TNR: variants seen among roughly 807,000 people sequenced by gnomAD.
TNR encodes tenascin R.
A neutral mutation model predicts 150.4 loss-of-function variants in TNR; 45 were observed. The ratio of observed to expected loss-of-function variants is 0.30; its 90% CI spans 0.24 to 0.38. TNR has a LOEUF of 0.38. Among genes scored for constraint, TNR ranks in the 10% least tolerant of loss-of-function variants. The probability of loss-of-function intolerance (pLI) is 1.00; values close to 1 mark genes in which losing one functional copy is unlikely to be tolerated. For missense variants in TNR, 1,544 were observed against 1,759.1 expected (o/e 0.88, Z 2.19); for synonymous variants, 687 against 678.4 (o/e 1.01, Z -0.20).
intron 14 of TNR, among the ~76,000 whole-genome samples, chr1:175,361,673 G>C (rs910749453): frequency 6.6e-6 from 1 of 152,200 alleles, no homozygotes; most frequent in Non-Finnish European, 1.5e-5. Flanking sequence ...CCATTCTCCA[G>C]TGAAATTAAG....
At chr1:175,617,617 T>A (rs1214399031) in intron 1 of TNR, among the ~76,000 whole-genome samples, 1 of 152,150 alleles carries the variant, frequency 6.6e-6, no homozygotes. Flanking sequence ...GAACCTAAGG[T>A]CCCATTCCAG....
intron 1 of TNR, among the ~76,000 whole-genome samples, chr1:175,544,319 T>C (rs187752726): frequency 1.3e-5 from 2 of 152,260 alleles, no homozygotes; most frequent in African/African-American, 2.4e-5. Flanking sequence ...ACTCAGGCAA[T>C]AGCAGAGTAA....
Position 175,403,342 on chromosome 1 carries a change from G to A in TNR, c.774C>T (p.Gly258=). 1.2e-6 allele frequency: 2 copies of A among 1,614,058 alleles called. No individual in the cohort carries two copies. The highest frequency in any genetic ancestry group is 8.5e-7 in the Non-Finnish European group (1 of 1,179,996). Reference sequence around the variant, plus strand: ...GGCACCTCAGTTCCCTGCAGTCCTCGCCAGTGTAGGGCTCTTCACAGACAC... The same window carrying A: ...GGCACCTCAGTTCCCTGCAGTCCTCACCAGTGTAGGGCTCTTCACAGACAC... The part of the protein sequence containing the change: ...GECVCEEPYT[G]EDCRELRCPG... The change falls in exon 4 of 23, where the codon GGC becomes GGT. Residue 258 remains glycine, a synonymous_variant. Coordinates refer to ENST00000367674, the MANE Select transcript of TNR (RefSeq NM_003285.3).
rs1571277085 is a variant in TNR at position 175,318,428 on chromosome 1, A to G, written c.*4929T>C. On this transcript the variant is annotated 3_prime_UTR_variant, in exon 23 of 23. Coordinates refer to ENST00000367674, the MANE Select transcript of TNR (RefSeq NM_003285.3). ...AGAGTGGATACAATTAGAAAGAACC[A>G]GAGACATTTTTTCAAATTGGACCTG... 1 of 150,772 alleles carries G rather than the reference A, an allele frequency of 6.6e-6. No homozygotes were observed. The highest frequency in any genetic ancestry group is 6.6e-5 in the Admixed American group (1 of 15,170). 9.3% of individuals were successfully genotyped at this position (150,772 alleles called of 1,614,324 possible). A position where few individuals can be genotyped will look rare whatever the true frequency, so the allele number is the denominator to read the frequency against.
chr1:175,729,590 G>C (rs527476479), intron 1 of TNR, among the ~76,000 whole-genome samples: 2 of 152,192 alleles, frequency 1.3e-5, no homozygotes, highest in East Asian at 3.9e-4. Flanking sequence ...ACCATGCCTA[G>C]TCTCTTCCTT....
chr1:175,416,129 T>C (rs77082603), intron 2 of TNR, among the ~76,000 whole-genome samples: 99 of 151,342 alleles, frequency 6.5e-4, no homozygotes, highest in South Asian at 2.1e-3. Context: ...TATATATATA[T>C]ACACACACAC....
chr1:175,394,657 C>A (rs1253473783), intron 5 of TNR, among the ~76,000 whole-genome samples: 2 of 152,212 alleles, frequency 1.3e-5, no homozygotes, highest in Non-Finnish European at 2.9e-5. Flanking sequence ...AGGAAGCCTG[C>A]TCCCATTTTA....
At chr1:175,463,948 G>A (rs1465948971) in intron 2 of TNR, among the ~76,000 whole-genome samples, 1 of 152,216 alleles carries the variant, frequency 6.6e-6, no homozygotes, top group Non-Finnish European at 1.5e-5. Flanking sequence ...AGGCTGCCAA[G>A]GAGTGATGTT....
At chr1:175,406,097 G>A in intron 3 of TNR, 119 bp downstream of exon 3, 1 of 1,354,652 alleles carries the variant, frequency 7.4e-7, no homozygotes, top group East Asian at 2.3e-5. Flanking sequence ...AGAGATGCCG[G>A]GGTTTTGCTG....
At chr1:175,405,516 T>C (rs1240553370) in intron 3 of TNR, among the ~76,000 whole-genome samples, 1 of 152,152 alleles carries the variant, frequency 6.6e-6, no homozygotes, top group Non-Finnish European at 1.5e-5. Flanking sequence ...GTAAATCCCC[T>C]GAGATTTCAG....
intron 9 of TNR, among the ~76,000 whole-genome samples, chr1:175,376,554 G>A (rs751196116): frequency 3.3e-5 from 5 of 152,148 alleles, no homozygotes; most frequent in Non-Finnish European, 5.9e-5. Context: ...AGGCATTGGA[G>A]GCTGAAAAAC....
intron 1 of TNR, among the ~76,000 whole-genome samples, chr1:175,690,979 C>CATG (rs1666345088): frequency 6.6e-6 from 1 of 152,200 alleles, no homozygotes; most frequent in Non-Finnish European, 1.5e-5. Flanking sequence ...CTTGGTGAGT[C>CATG]ATGATAGCAT....
chr1:175,676,026 T>C (rs1379177853), intron 1 of TNR, among the ~76,000 whole-genome samples: 1 of 152,164 alleles, frequency 6.6e-6, no homozygotes, highest in Non-Finnish European at 1.5e-5. Context: ...CATGGTGCCA[T>C]AGTAACTGCT....
chr1:175,466,759 A>G (rs890209074), intron 2 of TNR, among the ~76,000 whole-genome samples: 6 of 152,160 alleles, frequency 3.9e-5, no homozygotes, highest in African/African-American at 1.4e-4. Context: ...CAGATTGCCT[A>G]CTGCAACCTG....
chr1:175,485,873 CAT>C (rs1217906556), intron 2 of TNR, among the ~76,000 whole-genome samples: 1 of 152,184 alleles, frequency 6.6e-6, no homozygotes, highest in African/African-American at 2.4e-5. Context: ...AAGCATTTTA[CAT>C]ATAATTTTTT....
At chr1:175,629,803 T>C (rs929882701) in intron 1 of TNR, among the ~76,000 whole-genome samples, 1 of 152,222 alleles carries the variant, frequency 6.6e-6, no homozygotes, top group Non-Finnish European at 1.5e-5. Flanking sequence ...AAGCTCACTT[T>C]TATCCTTGGA....
chr1:175,471,188 T>C (rs1466805269), intron 2 of TNR, among the ~76,000 whole-genome samples: 1 of 152,206 alleles, frequency 6.6e-6, no homozygotes, highest in Non-Finnish European at 1.5e-5. Flanking sequence ...GGCTGAGTAA[T>C]GAACTCATTT....
At chr1:175,705,960 G>T (rs1469051883) in intron 1 of TNR, among the ~76,000 whole-genome samples, 1 of 152,180 alleles carries the variant, frequency 6.6e-6, no homozygotes, top group Non-Finnish European at 1.5e-5. Flanking sequence ...GCCCAGTCCT[G>T]ACTTGTGTAA....
intron 1 of TNR, among the ~76,000 whole-genome samples, chr1:175,717,353 G>A (rs901544324): frequency 1.3e-5 from 2 of 152,094 alleles, no homozygotes; most frequent in African/African-American, 4.8e-5. Context: ...CAGTACCTGG[G>A]TGATGAGATT....
Sources: gnomAD v4.1 joint callset for allele counts (sites outside exome capture counted in the v4.1 genomes callset) on GRCh38, gnomAD v4.1.1 for gene constraint, MANE v1.5 for transcripts, NCBI Gene and HGNC (gene_info 2026-07-23, HGNC 2026-07-21) for gene names.